HACD2: variants seen among roughly 807,000 people sequenced by gnomAD.
HACD2 encodes very-long-chain (3R)-3-hydroxyacyl-CoA dehydratase 2.
A neutral mutation model predicts 31.0 loss-of-function variants in HACD2; 15 were observed. The ratio of observed to expected loss-of-function variants is 0.48; its 90% confidence interval spans 0.32 to 0.75. The LOEUF (loss-of-function observed/expected upper bound fraction) is 0.75. HACD2 is among the 30% of genes least tolerant of loss of function. HACD2 has a pLI of 0.03. For missense variants in HACD2, 283 were observed against 313.0 expected (o/e 0.90, Z 0.72); for synonymous variants, 115 against 122.2 (o/e 0.94, Z 0.39).
At chr3:123,571,380 T>A (rs2056854519) in intron 2 of HACD2, among the ~76,000 whole-genome samples, 1 of 152,200 alleles carries the variant, frequency 6.6e-6, no homozygotes, top group South Asian at 2.1e-4. Flanking sequence ...ACAGATATTA[T>A]GTGGGTGGAC....
intron 1 of HACD2, among the ~76,000 whole-genome samples, chr3:123,582,591 A>G (rs1348869965): frequency 6.6e-6 from 1 of 152,180 alleles, no homozygotes; most frequent in African/African-American, 2.4e-5. Context: ...CAACTTTGCT[A>G]TTGAGATCAA....
At chr3:123,559,101 AG>A (rs1474970583) in intron 3 of HACD2, among the ~76,000 whole-genome samples, 19 of 152,256 alleles carry the variant, frequency 1.2e-4, no homozygotes, top group Non-Finnish European at 7.3e-5. Flanking sequence ...AGACAGTGAT[AG>A]AAAAACATCC....
At chr3:123,538,406 TTAC>T (rs2056451318) in intron 3 of HACD2, among the ~76,000 whole-genome samples, 2 of 152,190 alleles carry the variant, frequency 1.3e-5, no homozygotes, top group African/African-American at 4.8e-5. Context: ...AAGGATAGTG[TTAC>T]TACATATATT....
chr3:123,548,548 T>C (rs767606397), intron 3 of HACD2, among the ~76,000 whole-genome samples: 2 of 152,228 alleles, frequency 1.3e-5, no homozygotes, highest in African/African-American at 2.4e-5. Flanking sequence ...AAGATATGTT[T>C]TAATGTATCA....
In HACD2 at chr3:123,582,248, C is replaced by A. The variant is rs1222198218; in HGVS notation, c.237G>T (p.Lys79Asn). 1 of 1,605,656 alleles carries A rather than the reference C, an allele frequency of 6.2e-7. No homozygotes were observed. The highest frequency in any genetic ancestry group is 8.5e-7 in the Non-Finnish European group (1 of 1,175,966). Residue 79 changes from lysine to asparagine, a missense_variant, in exon 2 of 7, where the codon AAG becomes AAT. Physicochemically the swap from Lys to Asn is moderately conservative, Grantham distance 94. Coordinates refer to ENST00000383657, the MANE Select transcript of HACD2 (RefSeq NM_198402.5). Reference sequence around the variant, plus strand: ...CTCCAGTTTGAAAGAATTTCAAAGGCTTTTCAATTGAATAATAAAGGCTAT... The same window carrying A: ...CTCCAGTTTGAAAGAATTTCAAAGGATTTTCAATTGAATAATAAAGGCTAT... Reference protein sequence around the residue: ...SYHSLYYSIEKPLKFFQTGAL... With the variant: ...SYHSLYYSIENPLKFFQTGAL...
At chr3:123,562,624 G>T (rs994122713) in intron 3 of HACD2, among the ~76,000 whole-genome samples, 1 of 152,102 alleles carries the variant, frequency 6.6e-6, no homozygotes, top group Non-Finnish European at 1.5e-5. Context: ...TGTTCTTCAT[G>T]CATTTTTCCA....
chr3:123,504,389 CTT>C (rs1425811122), intron 4 of HACD2, among the ~76,000 whole-genome samples: 3 of 152,174 alleles, frequency 2.0e-5, no homozygotes, highest in African/African-American at 4.8e-5. Context: ...TCCAAAAACA[CTT>C]TGTGCTTTTC....
chr3:123,548,841 T>C, intron 3 of HACD2, among the ~76,000 whole-genome samples: 1 of 151,898 alleles, frequency 6.6e-6, no homozygotes, highest in Non-Finnish European at 1.5e-5. Context: ...CCCAGGCTGG[T>C]CTTGAACTCC....
chr3:123,570,937 CACACACAT>C (rs1347052836), intron 2 of HACD2, among the ~76,000 whole-genome samples: 3 of 151,816 alleles, frequency 2.0e-5, no homozygotes, highest in African/African-American at 7.3e-5. Context: ...CACACACACA[CACACACAT>C]ACACACACAC....
At chr3:123,515,099 T>C (rs2056117106) in intron 4 of HACD2, among the ~76,000 whole-genome samples, 2 of 152,182 alleles carry the variant, frequency 1.3e-5, no homozygotes, top group African/African-American at 4.8e-5. Flanking sequence ...AAGTGCTTTG[T>C]ATGTGTTAAC....
chr3:123,512,371 G>C (rs1435104613), intron 4 of HACD2, among the ~76,000 whole-genome samples: 1 of 152,182 alleles, frequency 6.6e-6, no homozygotes. Flanking sequence ...GTTTTCCAGA[G>C]ACCAGCCCAA....
chr3:123,540,050 C>A (rs1201742495), intron 3 of HACD2, among the ~76,000 whole-genome samples: 1 of 148,498 alleles, frequency 6.7e-6, no homozygotes, highest in African/African-American at 2.5e-5. Context: ...CGCCACTGCA[C>A]TCCAGCCTAG....
In HACD2 at chr3:123,498,305, T is replaced by C. The variant is rs141082370; in HGVS notation, c.682+2210A>G. On this transcript the variant is annotated intron_variant, in intron 6 of 6. Coordinates refer to ENST00000383657, the MANE Select transcript of HACD2 (RefSeq NM_198402.5). ...AAAAGAAATTATGTTAGACTTTAAC[T>C]GAGCCAAGTTCTCTTACCAAAAGGA... Among the ~76,000 whole-genome samples the C allele has an allele frequency of 1.2e-4, 18 of 152,378 alleles. No homozygotes were observed. The East Asian group carries it at 3.5e-3, about 29-fold the overall frequency.
chr3:123,583,961 A>T (rs1049467411), intron 1 of HACD2, among the ~76,000 whole-genome samples: 1 of 152,248 alleles, frequency 6.6e-6, no homozygotes, highest in African/African-American at 2.4e-5. Flanking sequence ...AATTTTTCAT[A>T]ATAAAATGTT....
rs1042664529 is a variant in HACD2 at position 123,557,306 on chromosome 3, C to T, written c.292+10456G>A. Among the ~76,000 whole-genome samples, 7 of 152,182 alleles carry T rather than the reference C, an allele frequency of 4.6e-5. No individual in the cohort carries two copies. In the South Asian group the frequency reaches 8.3e-4, roughly 18 times the overall value. On this transcript the variant is annotated intron_variant, in intron 3 of 6. Transcript: ENST00000383657. ...GTGAAACAATTTCATCCCAAAACCA[C>T]CCCCTCCCCTTATCCCCAGTCCATG...
chr3:123,497,262 G>A (rs151099087), intron 6 of HACD2, among the ~76,000 whole-genome samples: 20 of 152,262 alleles, frequency 1.3e-4, no homozygotes, highest in African/African-American at 4.3e-4. Context: ...CCCTCAACCC[G>A]ACAACAGGCT....
intron 2 of HACD2, among the ~76,000 whole-genome samples, chr3:123,574,538 T>A (rs2107755924): frequency 6.6e-6 from 1 of 152,350 alleles, no homozygotes; most frequent in Admixed American, 6.5e-5. Flanking sequence ...GATTTGTAGA[T>A]GTAAAACTCT....
Position 123,582,288 on chromosome 3 carries a change from G to A in HACD2, c.197C>T (p.Ala66Val). 8.7e-6 allele frequency: 14 copies of A among 1,608,970 alleles called. No individual in the cohort carries two copies. The highest frequency in any genetic ancestry group is 1.2e-5 in the Non-Finnish European group (14 of 1,177,500). Reference sequence around the variant, plus strand: ...ATAAAGGCTATGGTAGCTACCCTTAGCCAGGTATGCTCGGACCAGACCAAC... The same window carrying A: ...ATAAAGGCTATGGTAGCTACCCTTAACCAGGTATGCTCGGACCAGACCAAC... The part of the protein sequence containing the change: ...IAVGLVRAYL[A>V]KGSYHSLYYS... The change falls in exon 2 of 7, where the codon GCT becomes GTT. Residue 66 changes from alanine (A) to valine (V), a missense_variant. Around this residue, in one of 3 missense-constraint regions of HACD2, gnomAD observed 158 missense variants for 148.3 expected, o/e 1.07. Transcript: ENST00000383657.
Position 123,553,870 on chromosome 3 carries a change from C to T in HACD2, c.292+13892G>A, listed in dbSNP as rs1185382510. On this transcript the variant is annotated intron_variant, in intron 3 of 6. Coordinates refer to ENST00000383657, the MANE Select transcript of HACD2 (RefSeq NM_198402.5). ...GATCCATGAAATGCTAACAAACTTA[C>T]TAGCTTGTGAGTAAGGTGACATCTC... Among the ~76,000 whole-genome samples, 7 of 152,010 alleles carry T rather than the reference C, an allele frequency of 4.6e-5. No homozygotes were observed. In the South Asian group the frequency reaches 1.5e-3, roughly 32 times the overall value.
Sources: allele counts gnomAD v4.1 joint callset (sites outside exome capture counted in the v4.1 genomes callset), GRCh38; gene constraint gnomAD v4.1.1; regional missense constraint gnomAD v4.1.1; transcripts MANE v1.5; gene names NCBI Gene and HGNC (gene_info 2026-07-23, HGNC 2026-07-21).